Variants in ADCYAP1R1 observed in about 807,000 individuals in gnomAD.
The protein encoded by ADCYAP1R1 is pituitary adenylate cyclase-activating polypeptide type I receptor.
A neutral mutation model predicts 67.6 loss-of-function variants in ADCYAP1R1; 44 were observed. The ratio of observed to expected loss-of-function variants is 0.65; its 90% CI spans 0.51 to 0.84. The LOEUF is 0.84. Ranked by LOEUF, ADCYAP1R1 falls within the 40% of genes least tolerant of loss-of-function variation. The pLI, the probability that ADCYAP1R1 is intolerant of heterozygous loss-of-function variation, is 0.00. For missense variants in ADCYAP1R1, 477 were observed against 587.9 expected (o/e 0.81, Z 1.95); for synonymous variants, 222 against 219.6 (o/e 1.01, Z -0.10).
At chr7:31,065,995 C>G (rs61510270) in intron 3 of ADCYAP1R1, among the ~76,000 whole-genome samples, 2,190 of 152,354 alleles carry the variant, frequency 0.014, 45 homozygotes, top group African/African-American at 0.045. Context: ...ACCGTGCCGG[C>G]CTTTGCCTCC....
chr7:31,090,538 C>T (rs1165435922), intron 12 of ADCYAP1R1, among the ~76,000 whole-genome samples: 1 of 152,142 alleles, frequency 6.6e-6, no homozygotes, highest in Non-Finnish European at 1.5e-5. Context: ...GCATATTACC[C>T]AACAGTTAGT....
At chr7:31,089,856 A>G (rs977554415) in intron 12 of ADCYAP1R1, among the ~76,000 whole-genome samples, 1 of 152,062 alleles carries the variant, frequency 6.6e-6, no homozygotes, top group African/African-American at 2.4e-5. Flanking sequence ...TATTAACATG[A>G]TCTGTTTATT....
At chr7:31,064,761 G>T in intron 2 of ADCYAP1R1, 70 bp from the exon 3 acceptor site, 2 of 1,295,778 alleles carry the variant, frequency 1.5e-6, no homozygotes, top group Non-Finnish European at 2.2e-6. Flanking sequence ...CTGCCCCTGG[G>T]GCTTTGGTAG....
At chr7:31,056,330 G>A (rs1404845690) in intron 1 of ADCYAP1R1, among the ~76,000 whole-genome samples, 1 of 152,094 alleles carries the variant, frequency 6.6e-6, no homozygotes, top group African/African-American at 2.4e-5. Context: ...CATTGCCTTA[G>A]CTGCCCTCAT....
chr7:31,062,237 C>A (rs774442227), intron 1 of ADCYAP1R1, among the ~76,000 whole-genome samples: 4 of 152,148 alleles, frequency 2.6e-5, no homozygotes, highest in Non-Finnish European at 4.4e-5. Flanking sequence ...GCGTGCTGGG[C>A]TCTTGCAGCC....
chr7:31,053,789 A>G lies in ADCYAP1R1; in HGVS notation c.-72+1111A>G, dbSNP rs181623987. Among the ~76,000 whole-genome samples, 33 of 151,870 alleles carry G rather than the reference A, an allele frequency of 2.2e-4. No homozygotes were observed. In the East Asian group the frequency reaches 6.4e-3, roughly 30 times the overall value. ...CTTCCCATGAGCGGCCCTGGGGAGG[A>G]GTTGGGGGATGGGAAGGGGCTGGAC... On this transcript the variant is annotated intron_variant, in intron 1 of 15. Transcript: ENST00000304166.
At position 31,087,676 on chromosome 7, in the gene ADCYAP1R1, C is replaced by G. The variant is rs766067000; in HGVS notation, c.934C>G (p.Pro312Ala). Reference protein sequence around the residue: ...STALWWVIKGPVVGSIMVNFV... With the variant: ...STALWWVIKGAVVGSIMVNFV... The stretch of plus-strand genomic sequence containing the variant: ...AGCTCTGTGGTGGGTGATCAAAGGC[C>G]CTGTGGTTGGCTCTATCATGGTGAG... Residue 312 changes from proline to alanine, a missense_variant, in exon 12 of 16, where the codon CCT becomes GCT. Coordinates refer to ENST00000304166, the MANE Select transcript of ADCYAP1R1 (RefSeq NM_001118.5). 1 of 1,613,710 alleles carries G rather than the reference C, an allele frequency of 6.2e-7. No homozygotes were observed. The highest frequency in any genetic ancestry group is 8.5e-7 in the Non-Finnish European group (1 of 1,179,850).
At chr7:31,069,887 G>A (rs1794902339) in intron 3 of ADCYAP1R1, among the ~76,000 whole-genome samples, 1 of 152,214 alleles carries the variant, frequency 6.6e-6, no homozygotes, top group Non-Finnish European at 1.5e-5. Context: ...ATGTTTTAAA[G>A]GTGTTTATTG....
intron 13 of ADCYAP1R1, chr7:31,095,550 G>A (rs1796152162): frequency 1.4e-6 from 1 of 701,556 alleles, no homozygotes; most frequent in African/African-American, 1.8e-5. Context: ...AATGGGGGGA[G>A]AGGGAGATTC....
At chr7:31,087,825 G>A in intron 12 of ADCYAP1R1, 129 bp downstream of exon 12, 1 of 639,600 alleles carries the variant, frequency 1.6e-6, no homozygotes. Context: ...ATTATAATCT[G>A]TAACAGGGAT....
chr7:31,084,897 G>A, intron 8 of ADCYAP1R1, 63 bp downstream of exon 8: 2 of 1,419,000 alleles, frequency 1.4e-6, no homozygotes, highest in Admixed American at 1.7e-5. Flanking sequence ...AGGCCTTGGT[G>A]CATCTCTCCC....
At chr7:31,079,978 A>T (rs1795446375) in intron 4 of ADCYAP1R1, among the ~76,000 whole-genome samples, 1 of 152,184 alleles carries the variant, frequency 6.6e-6, no homozygotes, top group South Asian at 2.1e-4. Flanking sequence ...AGCCAACTTA[A>T]TCACTTCCTC....
At chr7:31,093,302 T>C (rs1254440237) in intron 13 of ADCYAP1R1, among the ~76,000 whole-genome samples, 1 of 152,176 alleles carries the variant, frequency 6.6e-6, no homozygotes, top group African/African-American at 2.4e-5. Context: ...TCCTTTCTGA[T>C]GAACATCTAA....
At chr7:31,103,484 T>A in intron 14 of ADCYAP1R1, 118 bp downstream of exon 14, 3 of 1,423,078 alleles carry the variant, frequency 2.1e-6, no homozygotes, top group Non-Finnish European at 2.9e-6. Context: ...AGAGTAGAGG[T>A]GATGAGGGAG....
At chr7:31,075,746 G>T (rs1795183828) in intron 3 of ADCYAP1R1, among the ~76,000 whole-genome samples, 1 of 152,138 alleles carries the variant, frequency 6.6e-6, no homozygotes, top group Admixed American at 6.5e-5. Context: ...TGGGGGGCTT[G>T]TGACATGGCC....
chr7:31,085,258 G>A (rs1795688920), intron 8 of ADCYAP1R1, 52 bp from the exon 9 acceptor site: 1 of 1,585,360 alleles, frequency 6.3e-7, no homozygotes, highest in Non-Finnish European at 8.6e-7. Context: ...CATGGAGGGT[G>A]TGAAATGCTG....
chr7:31,103,166 C>A, intron 13 of ADCYAP1R1, 71 bp from the exon 14 acceptor site: 2 of 1,577,098 alleles, frequency 1.3e-6, no homozygotes, highest in South Asian at 2.4e-5. Flanking sequence ...GGGCTGAGTT[C>A]TCTGCCCTCC....
At chr7:31,101,947 C>T (rs1478367572) in intron 13 of ADCYAP1R1, among the ~76,000 whole-genome samples, 3 of 152,190 alleles carry the variant, frequency 2.0e-5, no homozygotes, top group South Asian at 2.1e-4. Flanking sequence ...TCTTCCTTTA[C>T]GGGCTGAGCT....
intron 2 of ADCYAP1R1, 80 bp from the exon 3 acceptor site, chr7:31,064,751 C>CT: frequency 1.7e-6 from 2 of 1,172,240 alleles, no homozygotes; most frequent in South Asian, 2.6e-5. Flanking sequence ...CCCCAAGACA[C>CT]TGCCCCTGGG....
Sources: allele counts gnomAD v4.1 joint callset (sites outside exome capture counted in the v4.1 genomes callset), GRCh38; gene constraint gnomAD v4.1.1; transcripts MANE v1.5; gene names NCBI Gene and HGNC (gene_info 2026-07-23, HGNC 2026-07-21).